The following CELF1 variants were observed in gnomAD, a reference collection of about 807,000 sequenced individuals.
CELF1 encodes 50 kDa nuclear polyadenylated RNA-binding protein.
CELF1 carries 10 observed loss-of-function variants against 61.8 expected under a neutral mutation model. The ratio of observed to expected loss-of-function variants is 0.16; its 90% CI spans 0.10 to 0.27. The LOEUF is 0.27. Ranked by LOEUF, CELF1 falls within the 10% of genes least tolerant of loss-of-function variation. The pLI, the probability that CELF1 is intolerant of heterozygous loss-of-function variation, is 1.00. For synonymous variants in CELF1, 236 were observed against 225.1 expected (o/e 1.05, Z -0.43); for missense variants, 380 against 639.1 (o/e 0.59, Z 4.37).
At chr11:47,526,946 G>T (rs1298249320) in intron 1 of CELF1, among the ~76,000 whole-genome samples, 1 of 151,990 alleles carries the variant, frequency 6.6e-6, no homozygotes. Flanking sequence ...AGCTACTCAG[G>T]AGGCTGAGGC....
At chr11:47,519,793 G>A (rs1416797598) in intron 1 of CELF1, among the ~76,000 whole-genome samples, 1 of 151,808 alleles carries the variant, frequency 6.6e-6, no homozygotes, top group Non-Finnish European at 1.5e-5. Flanking sequence ...AACCCAGGAG[G>A]CGCAGCTTTT....
chr11:47,480,978 G>A (rs1423769571), intron 9 of CELF1, among the ~76,000 whole-genome samples: 1 of 151,704 alleles, frequency 6.6e-6, no homozygotes, highest in African/African-American at 2.4e-5. Context: ...TTTCCAACCT[G>A]GGCAACAGAG....
intron 1 of CELF1, among the ~76,000 whole-genome samples, chr11:47,510,117 G>C (rs1484699858): frequency 6.6e-6 from 1 of 151,974 alleles, no homozygotes; most frequent in Non-Finnish European, 1.5e-5. Context: ...AAGATGAAGG[G>C]CAAGCTAGCT....
chr11:47,475,265 T>C, intron 13 of CELF1, 71 bp downstream of exon 13: 2 of 1,477,200 alleles, frequency 1.4e-6, no homozygotes, highest in Non-Finnish European at 1.9e-6. Flanking sequence ...CAGCCTTTGC[T>C]CTGCCTTTCC....
At position 47,476,876 on chromosome 11, in the gene CELF1, T is replaced by C. The variant is rs745374046; in HGVS notation, c.1057A>G (p.Thr353Ala). 4.3e-6 allele frequency: 7 copies of C among 1,614,202 alleles called. No homozygotes were observed. Among genetic ancestry groups the C allele is most frequent in the Non-Finnish European group, 5.9e-6 (7 of 1,180,020 alleles). Residue 353 changes from threonine (T) to alanine (A), a missense_variant, in exon 12 of 15, where the codon ACG becomes GCG. Thr to Ala is a moderately conservative substitution (Grantham distance 58). Coordinates refer to ENST00000687097, the MANE Select transcript of CELF1 (RefSeq NM_001376376.1). ...AAAGAGCCAACATTGAGGCCAGCCG[T>C]TGCTCCAGCTAATGTCTGCAGGGCT... The part of the protein sequence containing the change: ...LGALQTLAGA[T>A]AGLNVGSLAG...
chr11:47,557,114 G>A (rs144709633), upstream of CELF1, among the ~76,000 whole-genome samples: 2 of 152,082 alleles, frequency 1.3e-5, no homozygotes, highest in African/African-American at 4.8e-5. Flanking sequence ...TGGTCAGGTT[G>A]GCCTTGAACT....
rs141116680 is a variant in CELF1, at chr11:47,482,443, G to C, written c.768+252C>G. ...AAGATGTTTCTAAATCTTTAAAACG[G>C]GAAACCAGGAATTCACTTTAGTTGC... On this transcript the variant is annotated intron_variant, in intron 9 of 14. Transcript: ENST00000687097. The C allele has an allele frequency of 1.6e-5, 5 of 304,472 alleles. No homozygotes were observed. In the South Asian group the frequency reaches 5.6e-4, roughly 34 times the overall value. 18.9% of individuals were successfully genotyped at this position (304,472 alleles called of 1,614,324 possible). A position where few individuals can be genotyped will look rare whatever the true frequency, so the allele number is the denominator to read the frequency against.
At chr11:47,534,767 A>G (rs11499874) in intron 1 of CELF1, among the ~76,000 whole-genome samples, 43 of 152,284 alleles carry the variant, frequency 2.8e-4, no homozygotes, top group African/African-American at 9.4e-4. Context: ...CAAGAGAAGT[A>G]TAAGTTCAAT....
chr11:47,516,415 A>C (rs1597629981), intron 1 of CELF1, among the ~76,000 whole-genome samples: 1 of 152,100 alleles, frequency 6.6e-6, no homozygotes, highest in African/African-American at 2.4e-5. Context: ...CCTCTAGGCA[A>C]CCTGCCTCTT....
In CELF1 at chr11:47,482,789, G is replaced by A; in HGVS notation, c.674C>T (p.Ala225Val). Reference protein sequence around the residue: ...TQKDKEQKRMAQQLQQQMQQI... With the variant: ...TQKDKEQKRMVQQLQQQMQQI... Reference sequence around the variant, plus strand: ...CTGCATCTGCTGCTGGAGCTGCTGGGCCATTCTCTTCTGTTCTTTGTCCTT... The same window carrying A: ...CTGCATCTGCTGCTGGAGCTGCTGGACCATTCTCTTCTGTTCTTTGTCCTT... The change falls in exon 9 of 15, where the codon GCC becomes GTC. Residue 225 changes from alanine (A) to valine (V), a missense_variant. Physicochemically the swap from Ala to Val is moderately conservative, Grantham distance 64. Transcript: ENST00000687097. 6.2e-7 allele frequency: 1 copy of A among 1,614,054 alleles called. No homozygotes were observed. Among genetic ancestry groups the A allele is most frequent in the Non-Finnish European group, 8.5e-7 (1 of 1,179,958 alleles).
rs943498659 is a variant in CELF1 at position 47,473,304 on chromosome 11, T to C, written c.1274-73A>G. ...GTCGCCCTGCACCAGTGATCTTTCA[T>C]TTCCACCTATGTTAAAACTGTCACA... On this transcript the variant is annotated intron_variant, in intron 13 of 14. Coordinates refer to ENST00000687097, the MANE Select transcript of CELF1 (RefSeq NM_001376376.1). The C allele has an allele frequency of 3.3e-5, 45 of 1,380,234 alleles. No individual in the cohort carries two copies. The African/African-American group carries it at 4.9e-4, about 15-fold the overall frequency. The allele number at this position is 1,380,234 out of a possible 1,614,324, so 85.5% of individuals were successfully genotyped here.
intron 1 of CELF1, among the ~76,000 whole-genome samples, chr11:47,516,788 A>C (rs1317109452): frequency 6.6e-6 from 1 of 151,892 alleles, no homozygotes; most frequent in African/African-American, 2.4e-5. Flanking sequence ...TTTTTAGTAG[A>C]GACAAGGTTT....
Position 47,472,064 on chromosome 11 carries a change from C to A in CELF1, c.*166G>T, listed in dbSNP as rs187136014. The A allele has an allele frequency of 5.3e-4, 393 of 748,510 alleles. No individual in the cohort carries two copies. The African/African-American group carries it at 6.2e-3, about 12-fold the overall frequency. 46.4% of individuals were successfully genotyped at this position (748,510 alleles called of 1,614,324 possible). ...TGTCCTCTGTACGAAGCGAAACTCCCACAGAAGGCAGTAGCCGAGTCTTCA... is the reference window on the plus strand; with the variant it reads ...TGTCCTCTGTACGAAGCGAAACTCCAACAGAAGGCAGTAGCCGAGTCTTCA... On this transcript the variant is annotated 3_prime_UTR_variant, in exon 15 of 15. Transcript: ENST00000687097.
In CELF1 at chr11:47,538,642, CAAAAAA is replaced by C. The variant is rs33969247; in HGVS notation, c.-154+14344_-154+14349del. ...TGGGCAAAAGAGCAAGACTCCGTCT[CAAAAAA>C]AAAAAAAAAAAAAATCTCCATTTCA... On this transcript the variant is annotated intron_variant, in intron 1 of 14. Transcript: ENST00000687097. Among the ~76,000 whole-genome samples, 7 of 108,580 alleles carry C rather than the reference CAAAAAA, an allele frequency of 6.4e-5. No homozygotes were observed. In the South Asian group the frequency reaches 1.1e-3, roughly 18 times the overall value. 71.2% of individuals were successfully genotyped at this position (108,580 alleles called of 152,430 possible).
chr11:47,502,328 A>G (rs1311595495), intron 1 of CELF1, among the ~76,000 whole-genome samples: 1 of 152,222 alleles, frequency 6.6e-6, no homozygotes, highest in African/African-American at 2.4e-5. Flanking sequence ...TTATCTCAGT[A>G]TAATTAAATT....
At chr11:47,555,884 C>A (rs2097204411), upstream of CELF1, among the ~76,000 whole-genome samples, 1 of 151,478 alleles carries the variant, frequency 6.6e-6, no homozygotes, top group Admixed American at 6.6e-5. Context: ...CCTGTAATCC[C>A]AGCTACTCGG....
intron 1 of CELF1, among the ~76,000 whole-genome samples, chr11:47,507,215 C>T (rs1488305387): frequency 6.6e-6 from 1 of 152,192 alleles, no homozygotes; most frequent in African/African-American, 2.4e-5. Context: ...AATTTCAGTA[C>T]ATCTAGGTCA....
chr11:47,492,586 G>A (rs552761393), intron 3 of CELF1, among the ~76,000 whole-genome samples: 59 of 152,286 alleles, frequency 3.9e-4, no homozygotes, highest in African/African-American at 1.4e-3. Flanking sequence ...AAAGCAATTA[G>A]CTGGGTGTGG....
chr11:47,526,067 C>T (rs1025606446), intron 1 of CELF1, among the ~76,000 whole-genome samples: 9 of 152,180 alleles, frequency 5.9e-5, no homozygotes, highest in East Asian at 1.9e-4. Flanking sequence ...TGGTAGCTCA[C>T]GTCTGTAATC....
Sources: gnomAD v4.1 joint callset for allele counts (sites outside exome capture counted in the v4.1 genomes callset) on GRCh38, gnomAD v4.1.1 for gene constraint, MANE v1.5 for transcripts, NCBI Gene and HGNC (gene_info 2026-07-23, HGNC 2026-07-21) for gene names.